The following MS4A4A variants were observed in gnomAD, a reference collection of about 807,000 sequenced individuals.
The protein encoded by MS4A4A is membrane-spanning 4-domains subfamily A member 4A.
MS4A4A carries 26 observed loss-of-function variants against 28.0 expected under a neutral mutation model. The ratio of observed to expected loss-of-function variants is 0.93; its 90% CI spans 0.68 to 1.29. The LOEUF (loss-of-function observed/expected upper bound fraction) is 1.29. Ranked by LOEUF, MS4A4A falls within the 50% of genes most tolerant of loss-of-function variation. MS4A4A has a pLI of 0.00. For missense variants in MS4A4A, 290 were observed against 293.1 expected (o/e 0.99, Z 0.08); for synonymous variants, 86 against 100.8 (o/e 0.85, Z 0.88).
At chr11:60,296,573 T>C (rs1034535297) in intron 2 of MS4A4A, among the ~76,000 whole-genome samples, 7 of 152,122 alleles carry the variant, frequency 4.6e-5, no homozygotes, top group Admixed American at 3.9e-4. Context: ...AGATTGATTT[T>C]AGATCATGAT....
intron 3 of MS4A4A, 68 bp from the exon 4 acceptor site, chr11:60,300,933 G>A (rs2084948035): frequency 3.5e-6 from 4 of 1,141,468 alleles, no homozygotes; most frequent in South Asian, 1.4e-5. Context: ...TTAGAATTAA[G>A]TTTAGTAAGT....
At chr11:60,282,971 A>G (rs2084768721) in intron 1 of MS4A4A, among the ~76,000 whole-genome samples, 1 of 152,228 alleles carries the variant, frequency 6.6e-6, no homozygotes, top group South Asian at 2.1e-4. Flanking sequence ...ACTTCTGATA[A>G]AAATAGAATA....
In MS4A4A at chr11:60,294,580, T is replaced by C. The variant is rs147418049; in HGVS notation, c.201+2196T>C. ...CCTATGTTATCTGTTAGGAGTTTTA[T>C]AGTTTTTAGTTTAATATTTATGTCT... On this transcript the variant is annotated intron_variant, in intron 2 of 6. Transcript: ENST00000337908. Among the ~76,000 whole-genome samples the C allele has an allele frequency of 4.1e-3, 621 of 152,314 alleles. 4 individuals are homozygous for C. The highest frequency in any genetic ancestry group is 0.01 in the African/African-American group (419 of 41,592).
intron 2 of MS4A4A, among the ~76,000 whole-genome samples, chr11:60,293,029 G>A (rs1363904189): frequency 1.3e-5 from 2 of 152,020 alleles, no homozygotes; most frequent in Non-Finnish European, 2.9e-5. Flanking sequence ...TATTTATGTT[G>A]GCACATACTA....
At chr11:60,283,642 G>C (rs906824878) in intron 1 of MS4A4A, among the ~76,000 whole-genome samples, 4 of 152,066 alleles carry the variant, frequency 2.6e-5, no homozygotes, top group African/African-American at 9.7e-5. Context: ...CTCCCTTCTG[G>C]GACAAGTAGG....
At chr11:60,286,146 G>C (rs562667226) in intron 1 of MS4A4A, among the ~76,000 whole-genome samples, 1 of 152,088 alleles carries the variant, frequency 6.6e-6, no homozygotes, top group Non-Finnish European at 1.5e-5. Context: ...TGTTCTGCCC[G>C]GCCCCGCAGG....
chr11:60,287,232 T>A (rs1267290929), intron 1 of MS4A4A, among the ~76,000 whole-genome samples: 1 of 152,240 alleles, frequency 6.6e-6, no homozygotes, highest in Non-Finnish European at 1.5e-5. Flanking sequence ...TAATTTATTA[T>A]AAAATTGTAT....
At chr11:60,294,889 A>ACTTCTTCTTCTTCTTCTTCTTCTTCTT (rs1238058277) in intron 2 of MS4A4A, among the ~76,000 whole-genome samples, 3 of 29,918 alleles carry the variant, frequency 1.0e-4, no homozygotes, top group African/African-American at 2.1e-4. Context: ...TCCTACAACT[A>ACTTCTTCTTCTTCTTCTTCTTCTTCTT]CTACTTCTTC....
At chr11:60,290,158 C>T (rs1218265815) in intron 1 of MS4A4A, 1 of 419,798 alleles carries the variant, frequency 2.4e-6, no homozygotes, top group Non-Finnish European at 4.9e-6. Context: ...TCCTTTACTA[C>T]TGACTTCGAT....
At chr11:60,303,206 T>C (rs2084968380) in intron 5 of MS4A4A, among the ~76,000 whole-genome samples, 1 of 152,242 alleles carries the variant, frequency 6.6e-6, no homozygotes, top group African/African-American at 2.4e-5. Flanking sequence ...CTGATAAATC[T>C]CAGTCTTCAT....
chr11:60,295,593 T>C (rs927000114), intron 2 of MS4A4A, among the ~76,000 whole-genome samples: 10 of 152,130 alleles, frequency 6.6e-5, no homozygotes, highest in Admixed American at 2.0e-4. Flanking sequence ...GCTTTGAGTT[T>C]CTCCATTAAG....
intron 2 of MS4A4A, among the ~76,000 whole-genome samples, chr11:60,295,089 A>G (rs939668554): frequency 6.6e-6 from 1 of 152,074 alleles, no homozygotes; most frequent in Non-Finnish European, 1.5e-5. Flanking sequence ...AAGAACTGAC[A>G]TCTTGACAAT....
At chr11:60,301,253 G>A (rs143864976) in intron 4 of MS4A4A, among the ~76,000 whole-genome samples, 196 bp downstream of exon 4, 28 of 152,252 alleles carry the variant, frequency 1.8e-4, no homozygotes, top group African/African-American at 5.5e-4. Flanking sequence ...ATTTTGGCAA[G>A]GTAGGGAATC....
At chr11:60,284,879 T>C (rs1049622698) in intron 1 of MS4A4A, among the ~76,000 whole-genome samples, 1 of 152,358 alleles carries the variant, frequency 6.6e-6, no homozygotes, top group Admixed American at 6.5e-5. Context: ...ATCAGAGAAC[T>C]GTCCCCCTCT....
At chr11:60,306,008 T>C in intron 5 of MS4A4A, 92 bp from the exon 6 acceptor site, 1 of 1,092,334 alleles carries the variant, frequency 9.2e-7, no homozygotes, top group Non-Finnish European at 1.4e-6. Flanking sequence ...TCCCAGCCAG[T>C]GCTTTTTCTC....
At chr11:60,306,345 T>G (rs1371072618) in intron 6 of MS4A4A, 144 bp downstream of exon 6, 2 of 701,370 alleles carry the variant, frequency 2.9e-6, no homozygotes, top group Non-Finnish European at 4.7e-6. Context: ...AGCTGAAGTA[T>G]GTCCTTGACT....
intron 2 of MS4A4A, among the ~76,000 whole-genome samples, chr11:60,296,511 T>C (rs1339609356): frequency 6.6e-6 from 1 of 152,112 alleles, no homozygotes; most frequent in Non-Finnish European, 1.5e-5. Flanking sequence ...TTCTGTTTAT[T>C]TGGAGTTTAA....
intron 1 of MS4A4A, among the ~76,000 whole-genome samples, chr11:60,281,542 A>C (rs925036572): frequency 3.9e-5 from 6 of 152,148 alleles, no homozygotes; most frequent in African/African-American, 1.4e-4. Flanking sequence ...CCACTTCTGC[A>C]TCCCCATCAT....
At chr11:60,306,811 A>G (rs2135036400) in intron 6 of MS4A4A, among the ~76,000 whole-genome samples, 1 of 152,304 alleles carries the variant, frequency 6.6e-6, no homozygotes, top group Admixed American at 6.5e-5. Context: ...GAGGTCCCCA[A>G]AAAGTATTTT....
Sources: allele counts gnomAD v4.1 joint callset (sites outside exome capture counted in the v4.1 genomes callset), GRCh38; gene constraint gnomAD v4.1.1; transcripts MANE v1.5; gene names NCBI Gene and HGNC (gene_info 2026-07-23, HGNC 2026-07-21).